EMC1: variants seen among roughly 807,000 people sequenced by gnomAD.
EMC1 encodes the protein ER membrane protein complex subunit 1.
A neutral mutation model predicts 128.8 loss-of-function variants in EMC1; 103 were observed. That is an observed-to-expected ratio of 0.80 (90% CI 0.68 to 0.94). The LOEUF is 0.94. EMC1 is among the 40% of genes least tolerant of loss of function. The pLI, the probability that EMC1 is intolerant of heterozygous loss-of-function variation, is 0.00. For missense variants in EMC1, 1,083 were observed against 1,250.6 expected, an observed-to-expected ratio of 0.87 and a Z score of 2.02; for synonymous variants, 442 against 490.4, an observed-to-expected ratio of 0.90 and a Z score of 1.30.
chr1:19,244,714 G>T, intron 2 of EMC1, 192 bp downstream of exon 2: 2 of 538,140 alleles, frequency 3.7e-6, no homozygotes, highest in Non-Finnish European at 6.5e-6. Flanking sequence ...AGAACAAACC[G>T]CAAAGGTCAG....
rs778470143 is a variant in EMC1 at position 19,238,095 on chromosome 1, G to T, written c.1134C>A (p.Tyr378Ter). Residue 378 changes from tyrosine (Y) to a stop codon, truncating the protein, a stop_gained, in exon 11 of 23, where the codon TAC becomes TAA. Transcript: ENST00000477853. LOFTEE classifies it high-confidence loss of function. ...CFNQTYTINLYLVETGRRLLD... is the reference protein window; with the variant it reads ...CFNQTYTINL ...GCAGCCGCCGACCTGTCTCCACGAGGTATAGGTTAATGGTGTAGGTCTGAT... is the reference window on the plus strand; with the variant it reads ...GCAGCCGCCGACCTGTCTCCACGAGTTATAGGTTAATGGTGTAGGTCTGAT... 5 of 1,614,178 alleles carry T rather than the reference G, an allele frequency of 3.1e-6. No homozygotes were observed. The highest frequency in any genetic ancestry group is 4.2e-6 in the Non-Finnish European group (5 of 1,180,034).
Position 19,215,854 on chromosome 1 carries a change from A to T in EMC1, c.*3449T>A, listed in dbSNP as rs988662945. The T allele has an allele frequency of 2.0e-5, 3 of 151,624 alleles. No individual in the cohort carries two copies. The highest frequency in any genetic ancestry group is 4.4e-5 in the Non-Finnish European group (3 of 67,928). 9.4% of individuals were successfully genotyped at this position (151,624 alleles called of 1,614,324 possible). ...CCACCACACCTGGCTAAATTTTTTT[A>T]TTTTTTTGGTAGAGATGGGGTTTCA... On this transcript the variant is annotated 3_prime_UTR_variant, in exon 23 of 23. Coordinates refer to ENST00000477853, the MANE Select transcript of EMC1 (RefSeq NM_015047.3).
In EMC1 at chr1:19,223,549, C is replaced by T; in HGVS notation, c.2223G>A (p.Leu741=). 1 of 1,614,054 alleles carries T rather than the reference C, an allele frequency of 6.2e-7. No homozygotes were observed. Among genetic ancestry groups the T allele is most frequent in the Non-Finnish European group, 8.5e-7 (1 of 1,180,036 alleles). Reference sequence around the variant, plus strand: ...CGTCTGTGCTCTCTGTCACCACGGCCAGCAGGTTGGGGTTCAGGCTCTGGA... The same window carrying T: ...CGTCTGTGCTCTCTGTCACCACGGCTAGCAGGTTGGGGTTCAGGCTCTGGA... ...VLYKSLNPNL[L]AVVTESTDAH... Residue 741 remains leucine (L), a synonymous_variant, in exon 19 of 23, where the codon CTG becomes CTA. Coordinates refer to ENST00000477853, the MANE Select transcript of EMC1 (RefSeq NM_015047.3).
Position 19,217,561 on chromosome 1 carries a change from T to C in EMC1, c.*1742A>G, listed in dbSNP as rs767756935. The C allele has an allele frequency of 6.6e-6, 1 of 151,496 alleles. No homozygotes were observed. Among genetic ancestry groups the C allele is most frequent in the Non-Finnish European group, 1.5e-5 (1 of 67,964 alleles). The allele number at this position is 151,496 out of a possible 1,614,324, so 9.4% of individuals were successfully genotyped here. A position where few individuals can be genotyped will look rare whatever the true frequency, so the allele number is the denominator to read the frequency against. ...GCTTTGAGGTAACTTTGATTACAGC[T>C]GAAATACAGGGAATTTTACTAAAGG... On this transcript the variant is annotated 3_prime_UTR_variant, in exon 23 of 23. Transcript: ENST00000477853.
In EMC1 at chr1:19,222,779, T is replaced by A. The variant is rs146394541; in HGVS notation, c.2432A>T (p.Tyr811Phe). The A allele has an allele frequency of 3.1e-6, 5 of 1,614,112 alleles. No individual in the cohort carries two copies. The highest frequency in any genetic ancestry group is 4.2e-6 in the Non-Finnish European group (5 of 1,179,984). The change falls in exon 20 of 23, where the codon TAT becomes TTT. Residue 811 changes from tyrosine to phenylalanine, a missense_variant. Coordinates refer to ENST00000477853, the MANE Select transcript of EMC1 (RefSeq NM_015047.3). Reference protein sequence around the residue: ...RRNEFTVLELYEGTEQYNATA... With the variant: ...RRNEFTVLELFEGTEQYNATA... ...GGCGTTGTATTGCTCAGTGCCCTCA[T>A]AGAGCTCCAGTACGGTAAACTCGTT...
intron 2 of EMC1, among the ~76,000 whole-genome samples, 159 bp from the exon 3 acceptor site, chr1:19,244,174 G>A (rs1367115019): frequency 1.3e-5 from 2 of 152,128 alleles, no homozygotes; most frequent in African/African-American, 4.8e-5. Context: ...TCCCATTCAC[G>A]GGGTAATGAG....
intron 5 of EMC1, 132 bp downstream of exon 5, chr1:19,242,213 G>A: frequency 3.3e-6 from 3 of 913,318 alleles, no homozygotes; most frequent in African/African-American, 1.7e-5. Flanking sequence ...TATTCTGAGT[G>A]CAACACACTC....
At position 19,250,218 on chromosome 1, in the gene EMC1, C is replaced by CAAAAA. The variant is rs55743743; in HGVS notation, c.95+1192_95+1196dup. Among the ~76,000 whole-genome samples the CAAAAA allele has an allele frequency of 1.7e-4, 8 of 48,230 alleles. 1 individual carries two copies. Among genetic ancestry groups the CAAAAA allele is most frequent in the African/African-American group, 7.3e-4 (7 of 9,614 alleles). The allele number at this position is 48,230 out of a possible 152,430, so 31.6% of individuals were successfully genotyped here. On this transcript the variant is annotated intron_variant, in intron 1 of 22. Transcript: ENST00000477853. ...CTGGGCAACAAGAGCAAAACTGTCT[C>CAAAAA]AAAAAAAAAAAAAAAAAAAAAAAAA...
At chr1:19,237,930 C>T in intron 11 of EMC1, 87 bp downstream of exon 11, 2 of 1,510,468 alleles carry the variant, frequency 1.3e-6, no homozygotes, top group Non-Finnish European at 1.8e-6. Context: ...CTAATCCAAG[C>T]CCCATGGCTA....
At chr1:19,244,762 GAAA>G in intron 2 of EMC1, 141 bp downstream of exon 2, 3 of 765,786 alleles carry the variant, frequency 3.9e-6, no homozygotes, top group Admixed American at 2.7e-5. Context: ...TGGTAAGACT[GAAA>G]AAAAAAAAGT....
At chr1:19,242,302 G>C (rs2093610818) in intron 5 of EMC1, 43 bp downstream of exon 5, 1 of 1,612,016 alleles carries the variant, frequency 6.2e-7, no homozygotes, top group Admixed American at 1.7e-5. Context: ...AGCTCCTAGA[G>C]AGTAGAACGA....
chr1:19,222,612 CCAGT>C lies in EMC1; in HGVS notation c.2587+8_2587+11del, dbSNP rs1464763045. On this transcript the variant is annotated splice_region_variant and intron_variant, in intron 20 of 22. Transcript: ENST00000477853. ...GGAACCCAGCCATCCCAGAGGCTCC[CCAGT>C]CACTCACTCAGCAGGTGTCGGCTGG... 3.1e-6 allele frequency: 5 copies of C among 1,612,532 alleles called. No individual in the cohort carries two copies. The highest frequency in any genetic ancestry group is 1.7e-5 in the Admixed American group (1 of 59,986).
At position 19,217,254 on chromosome 1, in the gene EMC1, T is replaced by C. The variant is rs1456270473; in HGVS notation, c.*2049A>G. The C allele has an allele frequency of 6.6e-6, 1 of 152,214 alleles. No individual in the cohort carries two copies. Among genetic ancestry groups the C allele is most frequent in the African/African-American group, 2.4e-5 (1 of 41,450 alleles). The allele number at this position is 152,214 out of a possible 1,614,324, so 9.4% of individuals were successfully genotyped here. A position where few individuals can be genotyped will look rare whatever the true frequency, so the allele number is the denominator to read the frequency against. The stretch of plus-strand genomic sequence containing the variant: ...TGGACTGTGGCATTAGCATTAACTA[T>C]TTTAAGCACTTGGCCAAGCTCGGTG... On this transcript the variant is annotated 3_prime_UTR_variant, in exon 23 of 23. Transcript: ENST00000477853.
chr1:19,249,099 G>A (rs1312950137), intron 1 of EMC1, among the ~76,000 whole-genome samples: 3 of 151,796 alleles, frequency 2.0e-5, no homozygotes, highest in Non-Finnish European at 4.4e-5. Flanking sequence ...TATTACAAAA[G>A]TCAAAAATTA....
At position 19,216,015 on chromosome 1, in the gene EMC1, A is replaced by T. The variant is rs553107462; in HGVS notation, c.*3288T>A. 6.6e-5 allele frequency: 10 copies of T among 152,256 alleles called. No homozygotes were observed. The highest frequency in any genetic ancestry group is 2.4e-4 in the African/African-American group (10 of 41,534). 9.4% of individuals were successfully genotyped at this position (152,256 alleles called of 1,614,324 possible). On this transcript the variant is annotated 3_prime_UTR_variant, in exon 23 of 23. Coordinates refer to ENST00000477853, the MANE Select transcript of EMC1 (RefSeq NM_015047.3). ...AAAAGCAAAATTTTAAATAATTAGG[A>T]ATCAGGAAATGAGTCTTGGGATGAT... is the stretch of plus-strand genomic sequence containing the variant.
intron 12 of EMC1, 73 bp downstream of exon 12, chr1:19,237,068 CA>C: frequency 1.8e-6 from 2 of 1,125,804 alleles, no homozygotes; most frequent in Non-Finnish European, 1.4e-6. Flanking sequence ...TGCAGCCTCC[CA>C]AAAAACAGTC....
chr1:19,244,834 C>T (rs1472306035), intron 2 of EMC1, 72 bp downstream of exon 2: 1 of 1,571,226 alleles, frequency 6.4e-7, no homozygotes, highest in Non-Finnish European at 8.7e-7. Flanking sequence ...CAGGAATCAG[C>T]CAGGCAGAGT....
intron 1 of EMC1, among the ~76,000 whole-genome samples, chr1:19,248,022 C>G (rs1038820547): frequency 8.4e-6 from 1 of 118,348 alleles, no homozygotes; most frequent in Non-Finnish European, 1.7e-5. Flanking sequence ...AGACTCTGTC[C>G]CAAAAAAAAA....
chr1:19,227,696 A>G (rs1309582495), intron 17 of EMC1, among the ~76,000 whole-genome samples: 1 of 152,082 alleles, frequency 6.6e-6, no homozygotes, highest in Non-Finnish European at 1.5e-5. Context: ...GCCAAACCCC[A>G]TCTCTACTAA....
Sources: allele counts gnomAD v4.1 joint callset (sites outside exome capture counted in the v4.1 genomes callset), GRCh38; gene constraint gnomAD v4.1.1; transcripts MANE v1.5; gene names NCBI Gene and HGNC (gene_info 2026-07-23, HGNC 2026-07-21).